UNC5C: variants seen among roughly 807,000 people sequenced by gnomAD.
The protein encoded by UNC5C is netrin receptor UNC5C.
In UNC5C, 47 loss-of-function variants were observed where a neutral mutation model predicts 99.8. The observed-to-expected ratio is 0.47, with a 90% CI of 0.37 to 0.60. The LOEUF (loss-of-function observed/expected upper bound fraction) is 0.60. UNC5C is among the 20% of genes least tolerant of loss of function. The pLI is 0.00. For synonymous variants in UNC5C, 487 were observed against 452.2 expected (o/e 1.08, Z -0.98); for missense variants, 1,062 against 1,165.9 (o/e 0.91, Z 1.30).
chr4:95,334,804 G>A (rs1743268821), intron 2 of UNC5C, among the ~76,000 whole-genome samples: 1 of 151,894 alleles, frequency 6.6e-6, no homozygotes, highest in Non-Finnish European at 1.5e-5. Flanking sequence ...AAGACCCTCT[G>A]AGAAAGGGCT....
intron 13 of UNC5C, among the ~76,000 whole-genome samples, chr4:95,184,599 A>ACTT (rs1179452064): frequency 6.6e-6 from 1 of 152,100 alleles, no homozygotes; most frequent in African/African-American, 2.4e-5. Context: ...ATTGGGTTTT[A>ACTT]CTTTTACATG....
intron 1 of UNC5C, among the ~76,000 whole-genome samples, chr4:95,354,305 G>A (rs1320229524): frequency 6.6e-6 from 1 of 151,316 alleles, no homozygotes; most frequent in Non-Finnish European, 1.5e-5. Context: ...GGTCTATAGG[G>A]CCTCCATAGC....
chr4:95,190,387 G>A (rs1472934104), intron 12 of UNC5C, among the ~76,000 whole-genome samples: 1 of 152,116 alleles, frequency 6.6e-6, no homozygotes, highest in Non-Finnish European at 1.5e-5. Context: ...TATACCTAAT[G>A]TAAATGAGGA....
At chr4:95,177,188 G>T (rs1680524787) in intron 14 of UNC5C, among the ~76,000 whole-genome samples, 1 of 152,224 alleles carries the variant, frequency 6.6e-6, no homozygotes, top group Non-Finnish European at 1.5e-5. Flanking sequence ...TGGAAATGCA[G>T]AAATCACCCA....
chr4:95,178,598 A>AAGAAG (rs1490419222), intron 14 of UNC5C, among the ~76,000 whole-genome samples: 1 of 152,230 alleles, frequency 6.6e-6, no homozygotes, highest in Non-Finnish European at 1.5e-5. Context: ...TTAGTACAGA[A>AAGAAG]AGAAGATGAA....
At chr4:95,304,340 G>A (rs936430291) in intron 2 of UNC5C, among the ~76,000 whole-genome samples, 2 of 152,122 alleles carry the variant, frequency 1.3e-5, no homozygotes, top group Admixed American at 6.5e-5. Flanking sequence ...CCCTTCTATG[G>A]AAAGAAGATT....
chr4:95,510,559 A>G (rs540796219), intron 1 of UNC5C, among the ~76,000 whole-genome samples: 2 of 151,736 alleles, frequency 1.3e-5, no homozygotes, highest in African/African-American at 4.8e-5. Flanking sequence ...ACACATAGGC[A>G]TATAGATTTG....
At chr4:95,380,556 A>G (rs1028255400) in intron 1 of UNC5C, among the ~76,000 whole-genome samples, 9 of 151,764 alleles carry the variant, frequency 5.9e-5, no homozygotes, top group Non-Finnish European at 1.3e-4. Flanking sequence ...GATTACAGGC[A>G]TAAGCCACCA....
At chr4:95,543,897 T>G (rs1242494856) in intron 1 of UNC5C, among the ~76,000 whole-genome samples, 1 of 152,190 alleles carries the variant, frequency 6.6e-6, no homozygotes, top group Non-Finnish European at 1.5e-5. Flanking sequence ...TTCAGAGAAC[T>G]GTACTCTGTC....
intron 2 of UNC5C, among the ~76,000 whole-genome samples, chr4:95,328,848 A>G (rs1193238231): frequency 1.3e-5 from 2 of 152,170 alleles, no homozygotes; most frequent in African/African-American, 4.8e-5. Flanking sequence ...ATTTTAGGCA[A>G]CTTCTACTCA....
chr4:95,384,623 C>T (rs1336831461), intron 1 of UNC5C, among the ~76,000 whole-genome samples: 1 of 152,122 alleles, frequency 6.6e-6, no homozygotes, highest in East Asian at 1.9e-4. Context: ...GCTTGAATGA[C>T]ATCCTGGCAG....
chr4:95,222,226 A>G, intron 7 of UNC5C: 1 of 1,502,896 alleles, frequency 6.7e-7, no homozygotes, highest in Non-Finnish European at 8.8e-7. Flanking sequence ...ATCCATATTC[A>G]TTCTGGGTTC....
At chr4:95,176,894 ACT>A (rs1403995570) in intron 14 of UNC5C, among the ~76,000 whole-genome samples, 2 of 151,968 alleles carry the variant, frequency 1.3e-5, no homozygotes, top group East Asian at 1.9e-4. Context: ...AATCAGCGAG[ACT>A]CTGTGGGCGT....
intron 1 of UNC5C, among the ~76,000 whole-genome samples, chr4:95,517,157 A>C (rs545469607): frequency 6.6e-6 from 1 of 152,348 alleles, no homozygotes; most frequent in East Asian, 1.9e-4. Context: ...AACAACGATT[A>C]ATGATAATAA....
intron 1 of UNC5C, among the ~76,000 whole-genome samples, chr4:95,483,269 A>T (rs1424233101): frequency 6.6e-6 from 1 of 151,732 alleles, no homozygotes; most frequent in African/African-American, 2.4e-5. Flanking sequence ...ACCTCCTGTC[A>T]AGTGAACTTA....
chr4:95,333,082 A>G (rs1471011062), intron 2 of UNC5C, among the ~76,000 whole-genome samples: 1 of 152,176 alleles, frequency 6.6e-6, no homozygotes, highest in East Asian at 1.9e-4. Context: ...TAGGTGCTAG[A>G]GAGGGTGTGG....
In UNC5C at chr4:95,216,195, A is replaced by G. The variant is rs767802168; in HGVS notation, c.1662T>C (p.Ile554=). 6.2e-7 allele frequency: 1 copy of G among 1,613,390 alleles called. No individual in the cohort carries two copies. The highest frequency in any genetic ancestry group is 2.2e-5 in the East Asian group (1 of 44,868). The change falls in exon 10 of 16, where the codon ATT becomes ATC. Residue 554 remains isoleucine (I), a synonymous_variant. Coordinates refer to ENST00000453304, the MANE Select transcript of UNC5C (RefSeq NM_003728.4). ...IVPNSGVSLL[I]PAGAIPQGRV... is the part of the protein sequence containing the mutation. ...TCCCTTGGGGAATGGCCCCAGCGGG[A>G]ATCAGCAAGCTGACTCCTGAATAGC...
intron 14 of UNC5C, among the ~76,000 whole-genome samples, chr4:95,171,296 A>G (rs60600565): frequency 0.043 from 6,517 of 151,454 alleles, 472 homozygotes; most frequent in African/African-American, 0.15. Context: ...GGTTAGTTAC[A>G]TATGTATACA....
At position 95,250,802 on chromosome 4, in the gene UNC5C, A is replaced by G. The variant is rs567845601; in HGVS notation, c.595-135T>C. On this transcript the variant is annotated intron_variant, in intron 4 of 15. Transcript: ENST00000453304. ...ATACCTGTGTTTTGTAATATGTACA[A>G]TGTTGTTCCAGGCCATGAACTTCTG... 5.7e-6 allele frequency: 5 copies of G among 882,966 alleles called. No individual in the cohort carries two copies. The East Asian group carries it at 1.3e-4, about 23-fold the overall frequency. The allele number at this position is 882,966 out of a possible 1,614,324, so 54.7% of individuals were successfully genotyped here.
Sources: gnomAD v4.1 joint callset for allele counts (sites outside exome capture counted in the v4.1 genomes callset) on GRCh38, gnomAD v4.1.1 for gene constraint, MANE v1.5 for transcripts, NCBI Gene and HGNC (gene_info 2026-07-23, HGNC 2026-07-21) for gene names.